CNTN5: variants seen among roughly 807,000 people sequenced by gnomAD.
CNTN5 encodes the protein contactin 5.
CNTN5 carries 77 observed loss-of-function variants against 129.1 expected under a neutral mutation model. That is an observed-to-expected ratio of 0.60 (90% CI 0.50 to 0.72). The LOEUF (loss-of-function observed/expected upper bound fraction) is 0.72, where lower values mean the gene tolerates loss of function less well. Ranked by LOEUF, CNTN5 falls within the 30% of genes least tolerant of loss-of-function variation. The pLI is 0.00. For synonymous variants in CNTN5, 509 were observed against 465.6 expected, an observed-to-expected ratio of 1.09 and a Z score of -1.20; for missense variants, 1,478 against 1,328.8, an observed-to-expected ratio of 1.11 and a Z score of -1.75.
At chr11:99,994,586 C>T (rs561615122) in intron 8 of CNTN5, among the ~76,000 whole-genome samples, 1 of 150,348 alleles carries the variant, frequency 6.7e-6, no homozygotes, top group Non-Finnish European at 1.5e-5. Context: ...ATATAAGAGG[C>T]TTAGGTTTAA....
chr11:99,281,345 A>G (rs778588898), intron 1 of CNTN5, among the ~76,000 whole-genome samples: 2 of 152,036 alleles, frequency 1.3e-5, no homozygotes, highest in Non-Finnish European at 2.9e-5. Context: ...CAAAACTGCC[A>G]GATCTAGAGT....
intron 2 of CNTN5, among the ~76,000 whole-genome samples, chr11:99,529,721 G>A (rs1947623287): frequency 6.6e-6 from 1 of 152,030 alleles, no homozygotes; most frequent in African/African-American, 2.4e-5. Context: ...AGCAACAGTA[G>A]TTGGTTAAAA....
At chr11:99,369,674 G>A (rs777306344) in intron 2 of CNTN5, among the ~76,000 whole-genome samples, 1 of 152,010 alleles carries the variant, frequency 6.6e-6, no homozygotes, top group Admixed American at 6.6e-5. Context: ...TAGAAAGGAG[G>A]TAAAAATTAT....
chr11:99,610,562 T>C (rs573465114), intron 3 of CNTN5, among the ~76,000 whole-genome samples: 86 of 152,290 alleles, frequency 5.6e-4, no homozygotes, highest in Admixed American at 8.5e-4. Flanking sequence ...CATGGGTCTC[T>C]GTAAGAGAGG....
At chr11:99,243,413 A>G (rs556471407) in intron 1 of CNTN5, among the ~76,000 whole-genome samples, 1 of 151,936 alleles carries the variant, frequency 6.6e-6, no homozygotes, top group Admixed American at 6.6e-5. Flanking sequence ...TAGGTCATCT[A>G]TTTACTCTAT....
chr11:100,224,163 T>A (rs1949323215), intron 15 of CNTN5, among the ~76,000 whole-genome samples: 1 of 152,282 alleles, frequency 6.6e-6, no homozygotes, highest in South Asian at 2.1e-4. Flanking sequence ...TATGTCTTTG[T>A]TAAGTAAAGA....
chr11:100,051,343 T>C (rs1942943894), intron 9 of CNTN5, among the ~76,000 whole-genome samples: 1 of 152,010 alleles, frequency 6.6e-6, no homozygotes, highest in Non-Finnish European at 1.5e-5. Flanking sequence ...AACAAAAGAA[T>C]ACTTTAAAAA....
chr11:99,310,171 A>C (rs546446404), intron 1 of CNTN5, among the ~76,000 whole-genome samples: 119 of 152,268 alleles, frequency 7.8e-4, no homozygotes, highest in African/African-American at 2.8e-3. Context: ...ATACGCACGC[A>C]TAAGTATCTG....
intron 4 of CNTN5, among the ~76,000 whole-genome samples, chr11:99,821,539 GATC>G (rs1299903903): frequency 6.6e-6 from 1 of 151,700 alleles, no homozygotes; most frequent in East Asian, 1.9e-4. Flanking sequence ...TTTTCTGGAA[GATC>G]ATCATTAGGA....
intron 10 of CNTN5, among the ~76,000 whole-genome samples, chr11:100,069,359 A>G (rs1255542531): frequency 1.3e-5 from 2 of 151,820 alleles, no homozygotes; most frequent in African/African-American, 4.8e-5. Flanking sequence ...AGGTCTCACC[A>G]TGTTGCCCGA....
chr11:99,572,277 AAAAACAAAAC>A (rs1382693120), intron 3 of CNTN5, among the ~76,000 whole-genome samples: 3 of 152,236 alleles, frequency 2.0e-5, no homozygotes, highest in Non-Finnish European at 4.4e-5. Context: ...AAACAAAAAC[AAAAACAAAAC>A]AAAACAAAAG....
chr11:100,153,310 G>A (rs1481560654), intron 13 of CNTN5, among the ~76,000 whole-genome samples: 2 of 151,862 alleles, frequency 1.3e-5, no homozygotes, highest in East Asian at 1.9e-4. Context: ...ATTTTTTTAC[G>A]ATTTCAGTAA....
chr11:99,377,447 T>C (rs1198129786), intron 2 of CNTN5, among the ~76,000 whole-genome samples: 1 of 151,922 alleles, frequency 6.6e-6, no homozygotes, highest in Non-Finnish European at 1.5e-5. Context: ...AAGGCTTTAG[T>C]TTTTTTTAAA....
intron 16 of CNTN5, among the ~76,000 whole-genome samples, chr11:100,229,195 T>C (rs978361911): frequency 7.4e-6 from 1 of 134,988 alleles, no homozygotes; most frequent in African/African-American, 2.5e-5. Flanking sequence ...TATTAGCTTT[T>C]TACACACACA....
At chr11:99,974,036 A>G (rs1163284208) in intron 8 of CNTN5, among the ~76,000 whole-genome samples, 1 of 152,204 alleles carries the variant, frequency 6.6e-6, no homozygotes, top group Non-Finnish European at 1.5e-5. Flanking sequence ...TTGCTATTTT[A>G]TAACGCTCAT....
At chr11:99,359,150 A>C (rs1301288925) in intron 2 of CNTN5, among the ~76,000 whole-genome samples, 2 of 152,220 alleles carry the variant, frequency 1.3e-5, no homozygotes, top group African/African-American at 4.8e-5. Flanking sequence ...TAGATTTTAG[A>C]GCCAATTCAA....
intron 1 of CNTN5, among the ~76,000 whole-genome samples, chr11:99,132,508 T>C (rs927413426): frequency 2.0e-5 from 3 of 152,140 alleles, no homozygotes; most frequent in African/African-American, 7.2e-5. Context: ...GAAAACCCCA[T>C]TGACTCAGCC....
intron 1 of CNTN5, among the ~76,000 whole-genome samples, chr11:99,305,375 C>T (rs1864828554): frequency 6.6e-6 from 1 of 152,110 alleles, no homozygotes; most frequent in African/African-American, 2.4e-5. Context: ...AGCTGGCAAT[C>T]TGTAAAGTTT....
intron 21 of CNTN5, chr11:100,309,027 C>T (rs943201978): frequency 5.0e-5 from 49 of 984,818 alleles, no homozygotes; most frequent in South Asian, 1.9e-4. Flanking sequence ...TTTTAGCCTC[C>T]GCAGAGAATA....
Sources: gnomAD v4.1 joint callset for allele counts (sites outside exome capture counted in the v4.1 genomes callset) on GRCh38, gnomAD v4.1.1 for gene constraint, MANE v1.5 for transcripts, NCBI Gene and HGNC (gene_info 2026-07-23, HGNC 2026-07-21) for gene names.